Variants in IPO11 observed in about 807,000 individuals in gnomAD.
IPO11 encodes the protein importin-11.
IPO11 carries 66 observed loss-of-function variants against 143.2 expected under a neutral mutation model. The observed-to-expected ratio is 0.46, with a 90% CI of 0.38 to 0.57. The LOEUF (loss-of-function observed/expected upper bound fraction) is 0.57. Among genes scored for constraint, IPO11 ranks in the 20% least tolerant of loss-of-function variants. IPO11 has a pLI of 0.00. For missense variants in IPO11, 1,026 were observed against 1,141.0 expected (o/e 0.90, Z 1.45); for synonymous variants, 385 against 377.8 (o/e 1.02, Z -0.22).
chr5:62,603,928 G>T (rs927388241), intron 29 of IPO11, among the ~76,000 whole-genome samples: 1 of 152,176 alleles, frequency 6.6e-6, no homozygotes, highest in Non-Finnish European at 1.5e-5. Context: ...GTGTTTTGAT[G>T]TGTTTAGATA....
chr5:62,450,048 C>G, intron 4 of IPO11, 49 bp downstream of exon 4: 1 of 1,185,016 alleles, frequency 8.4e-7, no homozygotes, highest in Non-Finnish European at 1.2e-6. Context: ...TACTGCTTTT[C>G]CAAACTAATT....
chr5:62,475,079 T>C (rs1400439140), intron 8 of IPO11, among the ~76,000 whole-genome samples: 2 of 152,138 alleles, frequency 1.3e-5, no homozygotes, highest in Non-Finnish European at 2.9e-5. Context: ...GGGACTACTG[T>C]ACTGGTAATG....
At chr5:62,451,633 A>AT (rs1744928939) in intron 4 of IPO11, 97 bp from the exon 5 acceptor site, 2 of 909,724 alleles carry the variant, frequency 2.2e-6, no homozygotes, top group Non-Finnish European at 1.7e-6. Context: ...AATCGTATTC[A>AT]TTTTTGTCAA....
chr5:62,541,706 G>A (rs1300646352), intron 24 of IPO11, among the ~76,000 whole-genome samples: 3 of 151,572 alleles, frequency 2.0e-5, no homozygotes, highest in Admixed American at 2.0e-4. Flanking sequence ...AAAATTAATT[G>A]TATTTTATTT....
chr5:62,557,542 A>C (rs1379455906), intron 26 of IPO11, among the ~76,000 whole-genome samples: 1 of 152,126 alleles, frequency 6.6e-6, no homozygotes, highest in Non-Finnish European at 1.5e-5. Flanking sequence ...TCCCATTGAC[A>C]TATCATTTGT....
chr5:62,576,215 T>G (rs1238547888), intron 27 of IPO11: 1 of 159,668 alleles, frequency 6.3e-6, no homozygotes, highest in African/African-American at 2.4e-5. Context: ...CTCCCTTTGG[T>G]TCCAGAGACC....
intron 1 of IPO11, among the ~76,000 whole-genome samples, chr5:62,431,333 T>C (rs1743979377): frequency 6.6e-6 from 1 of 152,050 alleles, no homozygotes; most frequent in South Asian, 2.1e-4. Flanking sequence ...CAGGCACTTC[T>C]GTGCACAGTA....
At chr5:62,618,641 T>C (rs1207352443) in intron 29 of IPO11, among the ~76,000 whole-genome samples, 1 of 152,158 alleles carries the variant, frequency 6.6e-6, no homozygotes, top group Non-Finnish European at 1.5e-5. Flanking sequence ...TACATGCAAG[T>C]CTAGGCTAAT....
rs1040380228 is a variant in IPO11, at chr5:62,628,000, C to T, written c.*682C>T. On this transcript the variant is annotated 3_prime_UTR_variant, in exon 30 of 30. Coordinates refer to ENST00000325324, the MANE Select transcript of IPO11 (RefSeq NM_016338.5). ...TATAAATGTGCATTTGTAAGGGCCA[C>T]AAAAGTGAACGTGTGGTACTGTAGT... 2 of 151,682 alleles carry T rather than the reference C, an allele frequency of 1.3e-5. No homozygotes were observed. The highest frequency in any genetic ancestry group is 6.6e-5 in the Admixed American group (1 of 15,234). 9.4% of individuals were successfully genotyped at this position (151,682 alleles called of 1,614,324 possible).
At chr5:62,434,407 A>T (rs1253452568) in intron 1 of IPO11, among the ~76,000 whole-genome samples, 1 of 151,814 alleles carries the variant, frequency 6.6e-6, no homozygotes, top group Admixed American at 6.6e-5. Flanking sequence ...GGCTCAGGTG[A>T]TCCTCCCACC....
intron 29 of IPO11, among the ~76,000 whole-genome samples, chr5:62,618,637 C>G (rs1022048639): frequency 1.3e-5 from 2 of 152,050 alleles, no homozygotes; most frequent in African/African-American, 4.8e-5. Flanking sequence ...ATTGTACATG[C>G]AAGTCTAGGC....
At chr5:62,448,764 G>T (rs1382875687) in intron 3 of IPO11, among the ~76,000 whole-genome samples, 1 of 152,004 alleles carries the variant, frequency 6.6e-6, no homozygotes, top group African/African-American at 2.4e-5. Flanking sequence ...TTGCTATGTT[G>T]CCCAGGCTTA....
intron 29 of IPO11, among the ~76,000 whole-genome samples, chr5:62,609,739 A>G (rs1745862658): frequency 6.6e-6 from 1 of 152,192 alleles, no homozygotes; most frequent in Admixed American, 6.5e-5. Flanking sequence ...ATGCTGGGTG[A>G]GGTGATGGGC....
intron 26 of IPO11, among the ~76,000 whole-genome samples, chr5:62,558,959 CA>C (rs2112362066): frequency 6.6e-6 from 1 of 152,266 alleles, no homozygotes; most frequent in East Asian, 1.9e-4. Context: ...GTTATAATTA[CA>C]CTATACTGTA....
At chr5:62,588,107 C>T (rs1239855729) in intron 27 of IPO11, among the ~76,000 whole-genome samples, 1 of 152,168 alleles carries the variant, frequency 6.6e-6, no homozygotes, top group Non-Finnish European at 1.5e-5. Flanking sequence ...TGATGTTTTT[C>T]AAATCTGTAT....
chr5:62,467,520 AT>A (rs1352947608), intron 6 of IPO11, among the ~76,000 whole-genome samples: 7 of 151,990 alleles, frequency 4.6e-5, no homozygotes. Context: ...CTCTGAATAT[AT>A]TTTTTTCAAA....
intron 3 of IPO11, among the ~76,000 whole-genome samples, chr5:62,444,181 T>C (rs529948258): frequency 6.6e-6 from 1 of 151,590 alleles, no homozygotes; most frequent in Non-Finnish European, 1.5e-5. Context: ...CTGCAAGCTC[T>C]GCCTCACGGG....
At chr5:62,581,206 A>G (rs767342882) in intron 27 of IPO11, 8 of 1,550,856 alleles carry the variant, frequency 5.2e-6, no homozygotes, top group Middle Eastern at 1.7e-4. Flanking sequence ...CACTTCCCCA[A>G]ATTCTCTAGA....
At position 62,449,900 on chromosome 5, in the gene IPO11, A is replaced by G. The variant is rs377000139; in HGVS notation, c.240-27A>G. On this transcript the variant is annotated intron_variant, in intron 3 of 29. Coordinates refer to ENST00000325324, the MANE Select transcript of IPO11 (RefSeq NM_016338.5). ...TTATTATTAGGTGGCATTCTTTTGC[A>G]TAATCAATACTTTTTTTTTTTTACA... is the stretch of plus-strand genomic sequence containing the variant. 4.8e-6 allele frequency: 7 copies of G among 1,444,672 alleles called. No homozygotes were observed. In the African/African-American group the frequency reaches 1.1e-4, roughly 22 times the overall value. The allele number at this position is 1,444,672 out of a possible 1,614,324, so 89.5% of individuals were successfully genotyped here. A position where few individuals can be genotyped will look rare whatever the true frequency, so the allele number is the denominator to read the frequency against.
Sources: gnomAD v4.1 joint callset for allele counts (sites outside exome capture counted in the v4.1 genomes callset) on GRCh38, gnomAD v4.1.1 for gene constraint, MANE v1.5 for transcripts, NCBI Gene and HGNC (gene_info 2026-07-23, HGNC 2026-07-21) for gene names.